Variants in ADH7 observed in about 807,000 individuals in gnomAD.
The protein encoded by ADH7 is alcohol dehydrogenase 7 (class IV), mu or sigma polypeptide, also known as all-trans-retinol dehydrogenase [NAD(+)] ADH7.
A neutral mutation model predicts 34.4 loss-of-function variants in ADH7; 41 were observed. The observed-to-expected ratio is 1.19, with a 90% CI of 0.93 to 1.55. The LOEUF is 1.55. Among genes scored for constraint, ADH7 ranks in the 40% most tolerant of loss-of-function variants. ADH7 has a pLI of 0.00. For synonymous variants in ADH7, 180 were observed against 160.9 expected, an observed-to-expected ratio of 1.12 and a Z score of -0.90; for missense variants, 540 against 461.2, an observed-to-expected ratio of 1.17 and a Z score of -1.56.
Position 99,420,596 on chromosome 4 carries a change from C to A in ADH7, c.762G>T (p.Leu254=), listed in dbSNP as rs1389473816. 6.2e-7 allele frequency: 1 copy of A among 1,613,920 alleles called. No individual in the cohort carries two copies. Among genetic ancestry groups the A allele is most frequent in the Non-Finnish European group, 8.5e-7 (1 of 1,179,930 alleles). The part of the protein sequence containing the change: ...KDSTKPISEV[L]SEMTGNNVGY... Reference sequence around the variant, plus strand: ...CCACGTTGTTGCCTGTCATTTCTGACAGCACCTCACTGATGGGTTTGGTAG... The same window carrying A: ...CCACGTTGTTGCCTGTCATTTCTGAAAGCACCTCACTGATGGGTTTGGTAG... Residue 254 remains leucine, a synonymous_variant, in exon 6 of 9, where the codon CTG becomes CTT. Transcript: ENST00000437033.
rs192639967 is a variant in ADH7, at chr4:99,415,694, T to C, written c.962-78A>G. 201 of 1,435,116 alleles carry C rather than the reference T, an allele frequency of 1.4e-4. 2 individuals are homozygous for C. Among genetic ancestry groups the C allele is most frequent in the African/African-American group, 1.3e-3 (91 of 70,532 alleles). The allele number at this position is 1,435,116 out of a possible 1,614,324, so 88.9% of individuals were successfully genotyped here. On this transcript the variant is annotated intron_variant, in intron 7 of 8. Transcript: ENST00000437033. ...TTTATTATGTTATATTTATTCCTTC[T>C]CTTTCCTGCACTATGACTTTCCCTG...
At position 99,419,053 on chromosome 4, in the gene ADH7, G is replaced by A. The variant is rs1446716207; in HGVS notation, c.894C>T (p.Ala298=). ...ACATCGGGTCATAGGTGAGCATCTT[G>A]GCTGATGGAGGAACTCCTACAACCA... The part of the protein sequence containing the change: ...TSVVVGVPPS[A]KMLTYDPMLL... The change falls in exon 7 of 9, where the codon GCC becomes GCT. Residue 298 remains alanine (A), a synonymous_variant. Coordinates refer to ENST00000437033, the MANE Select transcript of ADH7 (RefSeq NM_000673.7). 6.2e-7 allele frequency: 1 copy of A among 1,613,746 alleles called. No individual in the cohort carries two copies. The highest frequency in any genetic ancestry group is 8.5e-7 in the Non-Finnish European group (1 of 1,179,882).
chr4:99,431,350 C>T (rs373343773), intron 1 of ADH7, among the ~76,000 whole-genome samples: 1 of 152,010 alleles, frequency 6.6e-6, no homozygotes, highest in South Asian at 2.1e-4. Context: ...AATCTAAAAC[C>T]CAAAACTCTA....
At chr4:99,422,881 A>AT (rs1170967213) in intron 5 of ADH7, among the ~76,000 whole-genome samples, 8 of 137,512 alleles carry the variant, frequency 5.8e-5, no homozygotes, top group Non-Finnish European at 1.3e-4. Context: ...TTATTTATTT[A>AT]TTATTATTAT....
At chr4:99,418,794 G>A (rs908828503) in intron 7 of ADH7, among the ~76,000 whole-genome samples, 192 bp downstream of exon 7, 4 of 152,082 alleles carry the variant, frequency 2.6e-5, no homozygotes, top group East Asian at 1.9e-4. Context: ...TTAAAAATGC[G>A]TCCACCAATA....
chr4:99,429,122 A>G (rs1458468363), intron 2 of ADH7, among the ~76,000 whole-genome samples: 1 of 152,208 alleles, frequency 6.6e-6, no homozygotes, highest in East Asian at 1.9e-4. Context: ...CTCTGTCCAA[A>G]GAAAGGGAGG....
rs183284308 is a variant in ADH7, at chr4:99,431,020, G to T, written c.19-1387C>A. Among the ~76,000 whole-genome samples the T allele has an allele frequency of 1.8e-3, 277 of 152,178 alleles. 3 individuals are homozygous for T. Among genetic ancestry groups the T allele is most frequent in the African/African-American group, 6.3e-3 (260 of 41,520 alleles). On this transcript the variant is annotated intron_variant, in intron 1 of 8. Coordinates refer to ENST00000437033, the MANE Select transcript of ADH7 (RefSeq NM_000673.7). ...TCACCATGTTGGCCAGCATAGTCTC[G>T]ATCTCCTGACCTTGTTATCTGCCCT...
chr4:99,423,646 C>A (rs993720238), intron 5 of ADH7, among the ~76,000 whole-genome samples: 5 of 152,194 alleles, frequency 3.3e-5, no homozygotes, highest in African/African-American at 1.2e-4. Flanking sequence ...GAGCATTTTT[C>A]CACATGTTTT....
intron 5 of ADH7, among the ~76,000 whole-genome samples, chr4:99,423,431 T>C (rs1431397175): frequency 4.0e-5 from 6 of 151,842 alleles, no homozygotes. Flanking sequence ...TTTCTAGCTC[T>C]AGATCCCTGA....
At chr4:99,413,234 TA>T (rs1721449481) in intron 8 of ADH7, 62 bp from the exon 9 acceptor site, 1 of 1,550,142 alleles carries the variant, frequency 6.5e-7, no homozygotes. Flanking sequence ...AAGGATAGTT[TA>T]AACAATTGTC....
chr4:99,429,559 T>C lies in ADH7; in HGVS notation c.93A>G (p.Pro31=). 1 of 1,612,334 alleles carries C rather than the reference T, an allele frequency of 6.2e-7. No homozygotes were observed. The highest frequency in any genetic ancestry group is 1.3e-5 in the African/African-American group (1 of 75,038). ...TAATGCGAACTTCTTTAGTCTTTGG[T>C]GGGGCAACTTCTATTTCCTCAATGG... ...PFSIEEIEVA[P]PKTKEVRIKI... The change falls in exon 2 of 9, where the codon CCA becomes CCG. Residue 31 remains proline (P), a synonymous_variant. Coordinates refer to ENST00000437033, the MANE Select transcript of ADH7 (RefSeq NM_000673.7).
chr4:99,416,640 T>C (rs79916842), intron 7 of ADH7, among the ~76,000 whole-genome samples: 4,817 of 152,150 alleles, frequency 0.032, 254 homozygotes, highest in African/African-American at 0.11. Flanking sequence ...TCCATTTCTG[T>C]TCTTTATCTA....
At chr4:99,428,225 T>A in intron 3 of ADH7, 51 bp from the exon 4 acceptor site, 2 of 1,517,208 alleles carry the variant, frequency 1.3e-6, no homozygotes, top group African/African-American at 2.7e-5. Context: ...TGTTAAAATA[T>A]GAAATTAACA....
intron 6 of ADH7, 145 bp downstream of exon 6, chr4:99,420,388 G>T (rs1434916387): frequency 1.0e-6 from 1 of 964,520 alleles, no homozygotes; most frequent in East Asian, 2.6e-5. Context: ...ATTGCTATGT[G>T]ATTATCAGTT....
chr4:99,433,840 G>C (rs1018907477), intron 1 of ADH7, among the ~76,000 whole-genome samples: 2 of 151,994 alleles, frequency 1.3e-5, no homozygotes, highest in Non-Finnish European at 2.9e-5. Flanking sequence ...CCCAGTCTGT[G>C]ATATTTTGTT....
At chr4:99,428,442 C>T in intron 3 of ADH7, 50 bp downstream of exon 3, 1 of 1,583,090 alleles carries the variant, frequency 6.3e-7, no homozygotes, top group Non-Finnish European at 8.6e-7. Context: ...CTTTGATAGG[C>T]TAATCAAAGC....
intron 5 of ADH7, among the ~76,000 whole-genome samples, chr4:99,425,228 A>C (rs1339697933): frequency 6.6e-6 from 1 of 152,180 alleles, no homozygotes; most frequent in Non-Finnish European, 1.5e-5. Flanking sequence ...TTAAATGTAA[A>C]TGGACTAAAT....
intron 1 of ADH7, 171 bp downstream of exon 1, chr4:99,435,045 T>C (rs1371928904): frequency 1.3e-6 from 2 of 1,543,770 alleles, no homozygotes; most frequent in Admixed American, 2.0e-5. Context: ...CCACTGACAT[T>C]CTCTGAAACA....
intron 8 of ADH7, among the ~76,000 whole-genome samples, chr4:99,413,513 A>C (rs763273980): frequency 3.9e-5 from 6 of 152,218 alleles, no homozygotes; most frequent in Non-Finnish European, 8.8e-5. Flanking sequence ...TCCTGCAAGT[A>C]GATGAGACCT....
Sources: gnomAD v4.1 joint callset for allele counts (sites outside exome capture counted in the v4.1 genomes callset) on GRCh38, gnomAD v4.1.1 for gene constraint, MANE v1.5 for transcripts, NCBI Gene and HGNC (gene_info 2026-07-23, HGNC 2026-07-21) for gene names.